LAMB4: variants seen among roughly 807,000 people sequenced by gnomAD.
LAMB4 encodes laminin subunit beta-4.
LAMB4 carries 196 observed loss-of-function variants against 199.2 expected under a neutral mutation model. The observed-to-expected ratio is 0.98, with a 90% CI of 0.88 to 1.11. LAMB4 has a LOEUF of 1.11. Among genes scored for constraint, LAMB4 ranks in the 50% least tolerant of loss-of-function variants. The pLI, the probability that LAMB4 is intolerant of heterozygous loss-of-function variation, is 0.00. For synonymous variants in LAMB4, 744 were observed against 770.6 expected (o/e 0.97, Z 0.57); for missense variants, 2,080 against 2,171.2 (o/e 0.96, Z 0.83).
At chr7:108,125,384 T>C (rs10487838) in intron 1 of LAMB4, among the ~76,000 whole-genome samples, 20,319 of 152,206 alleles carry the variant, frequency 0.13, 2,835 homozygotes, top group African/African-American at 0.35. Flanking sequence ...TCATTCTGTC[T>C]GGAAATGCAA....
chr7:108,108,982 C>T (rs1341945245), intron 5 of LAMB4, among the ~76,000 whole-genome samples, 189 bp downstream of exon 5: 2 of 151,900 alleles, frequency 1.3e-5, no homozygotes, highest in Non-Finnish European at 2.9e-5. Flanking sequence ...ATCATATAGT[C>T]ATGGTCATTG....
At chr7:108,020,169 T>C (rs912333032), downstream of LAMB4, among the ~76,000 whole-genome samples, 4 of 152,074 alleles carry the variant, frequency 2.6e-5, no homozygotes, top group African/African-American at 7.2e-5. Flanking sequence ...GTTGGGGAGA[T>C]GTCATTTTCA....
intron 17 of LAMB4, among the ~76,000 whole-genome samples, chr7:108,074,886 T>C (rs1370121324): frequency 6.6e-6 from 1 of 152,216 alleles, no homozygotes; most frequent in Non-Finnish European, 1.5e-5. Context: ...ATGCCTTTAG[T>C]ACAGCGTCAA....
chr7:108,035,606 A>C (rs1232260194), intron 30 of LAMB4, among the ~76,000 whole-genome samples: 1 of 3,566 alleles, frequency 2.8e-4, no homozygotes, highest in African/African-American at 3.0e-4. Flanking sequence ...GAGAGTACCA[A>C]AAAAAAAAAA....
intron 10 of LAMB4, 65 bp from the exon 11 acceptor site, chr7:108,098,647 C>A: frequency 1.1e-5 from 15 of 1,320,184 alleles, no homozygotes; most frequent in East Asian, 2.4e-5. Context: ...AATATAAGCA[C>A]GGCATTTTAC....
chr7:108,055,926 C>A lies in LAMB4; in HGVS notation c.3461G>T (p.Ser1154Ile). ...GGCACAGCGATCACATCTCTGGCCG[C>A]TGACACCCTCCCGGCAGCGGCACAT... ...TGMCRCREGV[S>I]GQRCDRCARG... is the part of the protein sequence containing the mutation. The change falls in exon 25 of 34, where the codon AGC becomes ATC. Residue 1154 changes from serine (S) to isoleucine (I), a missense_variant. Ser to Ile is a moderately radical substitution (Grantham distance 142). Transcript: ENST00000388781. The A allele has an allele frequency of 1.2e-6, 2 of 1,614,232 alleles. No individual in the cohort carries two copies. The highest frequency in any genetic ancestry group is 2.2e-5 in the South Asian group (2 of 91,088).
chr7:108,100,074 T>C (rs1460039710), intron 10 of LAMB4, among the ~76,000 whole-genome samples: 2 of 152,170 alleles, frequency 1.3e-5, no homozygotes, highest in African/African-American at 4.8e-5. Context: ...AAAGAATCAG[T>C]ATTGAGTTCC....
At position 108,103,079 on chromosome 7, in the gene LAMB4, G is replaced by A. The variant is rs779473364; in HGVS notation, c.1145C>T (p.Pro382Leu). The change falls in exon 10 of 34, where the codon CCG becomes CTG. Residue 382 changes from proline to leucine, a missense_variant. Pro to Leu is a moderately conservative substitution (Grantham distance 98). Coordinates refer to ENST00000388781, the MANE Select transcript of LAMB4 (RefSeq NM_007356.3). ...DRCRPLFYRDPLKTISDPYAC... is the reference protein window; with the variant it reads ...DRCRPLFYRDLLKTISDPYAC... ...GTAGGGATCTGAGATGGTCTTGAGC[G>A]GGTCCCTGTAGAAGAGGGGTCTGCA... is the stretch of plus-strand genomic sequence containing the variant. 1.2e-5 allele frequency: 19 copies of A among 1,609,868 alleles called. No individual in the cohort carries two copies. Among genetic ancestry groups the A allele is most frequent in the Admixed American group, 1.7e-5 (1 of 59,898 alleles).
chr7:108,118,457 G>A (rs1379453979), intron 2 of LAMB4, among the ~76,000 whole-genome samples: 1 of 152,070 alleles, frequency 6.6e-6, no homozygotes, highest in Non-Finnish European at 1.5e-5. Flanking sequence ...ACAGAATAGA[G>A]AACCCAGAAA....
rs2038656500 is a variant in LAMB4 at position 108,123,127 on chromosome 7, T to A, written c.34+4A>T. ...GTAAATAGATTTTGACAACAAATACTCACCAAGGTGCAAAAAAAGGGTCAG... is the reference window on the plus strand; with the variant it reads ...GTAAATAGATTTTGACAACAAATACACACCAAGGTGCAAAAAAAGGGTCAG... On this transcript the variant is annotated splice_donor_region_variant and intron_variant, in intron 2 of 33. Coordinates refer to ENST00000388781, the MANE Select transcript of LAMB4 (RefSeq NM_007356.3). 1.9e-6 allele frequency: 3 copies of A among 1,607,550 alleles called. No homozygotes were observed. The highest frequency in any genetic ancestry group is 2.2e-5 in the South Asian group (2 of 89,658).
intron 27 of LAMB4, among the ~76,000 whole-genome samples, chr7:108,048,475 C>T (rs1303139495): frequency 2.0e-5 from 3 of 152,018 alleles, no homozygotes; most frequent in African/African-American, 7.2e-5. Flanking sequence ...ACTCTAATGC[C>T]ATCCAGGCTC....
chr7:108,020,365 G>A (rs751633231), downstream of LAMB4, among the ~76,000 whole-genome samples: 2 of 151,496 alleles, frequency 1.3e-5, no homozygotes, highest in African/African-American at 2.4e-5. Flanking sequence ...CAGCTACTCG[G>A]GAGGGTAAGC....
intron 14 of LAMB4, among the ~76,000 whole-genome samples, chr7:108,089,871 G>T (rs190245985): frequency 1.1e-3 from 165 of 152,220 alleles, no homozygotes; most frequent in Non-Finnish European, 1.8e-3. Context: ...TCACTATGTT[G>T]TCCAGGCTGG....
At chr7:108,067,341 G>A (rs2036377505) in intron 19 of LAMB4, among the ~76,000 whole-genome samples, 1 of 152,210 alleles carries the variant, frequency 6.6e-6, no homozygotes, top group African/African-American at 2.4e-5. Context: ...TACTTGGAAA[G>A]GAAATTAACC....
chr7:108,122,981 GT>G (rs1305511175), intron 2 of LAMB4, 149 bp downstream of exon 2: 1 of 573,418 alleles, frequency 1.7e-6, no homozygotes, highest in African/African-American at 1.9e-5. Context: ...GAATTTTTCA[GT>G]TGCTTGACAC....
intron 23 of LAMB4, among the ~76,000 whole-genome samples, chr7:108,061,788 G>A (rs1292032765): frequency 1.3e-5 from 2 of 151,182 alleles, no homozygotes; most frequent in Non-Finnish European, 2.9e-5. Context: ...GTTGGTGGAT[G>A]AGGATTGGAG....
At chr7:108,036,327 T>A (rs1299185362) in intron 30 of LAMB4, among the ~76,000 whole-genome samples, 4 of 152,068 alleles carry the variant, frequency 2.6e-5, no homozygotes, top group Non-Finnish European at 5.9e-5. Flanking sequence ...TAGCTAGGAT[T>A]ACAGGCATGC....
chr7:108,051,633 T>C (rs928911058), intron 26 of LAMB4, among the ~76,000 whole-genome samples: 5 of 152,230 alleles, frequency 3.3e-5, no homozygotes, highest in Admixed American at 6.5e-5. Context: ...GTGTGTAGTA[T>C]GTTGCATGAC....
intron 31 of LAMB4, among the ~76,000 whole-genome samples, chr7:108,033,699 A>G (rs1045628414): frequency 1.3e-5 from 2 of 148,654 alleles, no homozygotes; most frequent in East Asian, 2.0e-4. Context: ...GTGAGCAACC[A>G]TGCCTGGCCA....
Sources: allele counts gnomAD v4.1 joint callset (sites outside exome capture counted in the v4.1 genomes callset), GRCh38; gene constraint gnomAD v4.1.1; transcripts MANE v1.5; gene names NCBI Gene and HGNC (gene_info 2026-07-23, HGNC 2026-07-21).